LPP: variants seen among roughly 807,000 people sequenced by gnomAD.
LPP encodes LIM domain containing preferred translocation partner in lipoma, also known as lipoma-preferred partner.
In LPP, 38 loss-of-function variants were observed where a neutral mutation model predicts 60.4. The ratio of observed to expected loss-of-function variants is 0.63; its 90% CI spans 0.49 to 0.83. LPP has a LOEUF of 0.83. Ranked by LOEUF, LPP falls within the 40% of genes least tolerant of loss-of-function variation. The pLI is 0.00. For synonymous variants in LPP, 328 were observed against 290.8 expected (o/e 1.13, Z -1.30); for missense variants, 902 against 783.6 (o/e 1.15, Z -1.80).
intron 1 of LPP, among the ~76,000 whole-genome samples, chr3:188,206,291 A>T (rs927164427): frequency 2.0e-5 from 3 of 151,688 alleles, no homozygotes; most frequent in African/African-American, 4.8e-5. Context: ...TAGCTGCAGG[A>T]CCTTCAGGAT....
rs371527743 is a variant in LPP at position 188,175,498 on chromosome 3, G to A, written c.-190+21246G>A. On this transcript the variant is annotated intron_variant, in intron 1 of 11. Coordinates refer to ENST00000617246, the MANE Select transcript of LPP (RefSeq NM_001375462.1). Reference sequence around the variant, plus strand: ...TCAGGCACTATTTCAGCAGTAAACAGTCCATTTGTTGATAGTTAACACAGA... The same window carrying A: ...TCAGGCACTATTTCAGCAGTAAACAATCCATTTGTTGATAGTTAACACAGA... 5.9e-5 allele frequency among the ~76,000 whole-genome samples: 9 copies of A among 152,168 alleles called. No homozygotes were observed. The East Asian group carries it at 1.2e-3, about 20-fold the overall frequency.
chr3:188,862,731 A>AAAAG (rs1765532196), intron 9 of LPP, among the ~76,000 whole-genome samples: 1 of 133,228 alleles, frequency 7.5e-6, no homozygotes, highest in African/African-American at 2.9e-5. Context: ...AAATAAATAA[A>AAAAG]TAAATAAAAG....
At chr3:188,818,985 T>C (rs1204630204) in intron 9 of LPP, among the ~76,000 whole-genome samples, 1 of 151,700 alleles carries the variant, frequency 6.6e-6, no homozygotes, top group Non-Finnish European at 1.5e-5. Flanking sequence ...AATTGAATGA[T>C]TTGTTTACCT....
chr3:188,865,195 T>A (rs1766279722), intron 9 of LPP, among the ~76,000 whole-genome samples: 1 of 152,212 alleles, frequency 6.6e-6, no homozygotes, highest in Admixed American at 6.5e-5. Context: ...AGCATGGAAT[T>A]AAAGGGCAGG....
rs1277267909 is a variant in LPP, at chr3:188,217,697, G to A, written c.-189-7708G>A. On this transcript the variant is annotated intron_variant, in intron 1 of 11. Coordinates refer to ENST00000617246, the MANE Select transcript of LPP (RefSeq NM_001375462.1). The surrounding 1 kb of genome is among the most constrained non-coding windows in gnomAD (Gnocchi z 4.0). ...GAGAAATGCTGAGCTAAATGGGCAGGAATCTGGGATACTCAGAGGGAAATG... is the reference window on the plus strand; with the variant it reads ...GAGAAATGCTGAGCTAAATGGGCAGAAATCTGGGATACTCAGAGGGAAATG... Among the ~76,000 whole-genome samples, 1 of 152,114 alleles carries A rather than the reference G, an allele frequency of 6.6e-6. No individual in the cohort carries two copies. The highest frequency in any genetic ancestry group is 1.9e-4 in the East Asian group (1 of 5,190).
At chr3:188,258,914 G>C (rs1289985513) in intron 2 of LPP, among the ~76,000 whole-genome samples, 1 of 152,008 alleles carries the variant, frequency 6.6e-6, no homozygotes, top group Non-Finnish European at 1.5e-5. Context: ...GGTGTTACAG[G>C]GATGGACACA....
At chr3:188,492,758 TC>T (rs1375348914) in intron 5 of LPP, among the ~76,000 whole-genome samples, 1 of 152,172 alleles carries the variant, frequency 6.6e-6, no homozygotes, top group African/African-American at 2.4e-5. Flanking sequence ...TTAGATATTT[TC>T]AAATTTATTT....
intron 1 of LPP, among the ~76,000 whole-genome samples, chr3:188,192,001 G>A (rs11707006): frequency 0.13 from 20,237 of 152,076 alleles, 2,209 homozygotes; most frequent in East Asian, 0.54. Flanking sequence ...AAATTGGGAT[G>A]GTGTTAGGAC....
At chr3:188,231,094 G>A (rs965512308) in intron 2 of LPP, among the ~76,000 whole-genome samples, 1 of 152,212 alleles carries the variant, frequency 6.6e-6, no homozygotes, top group Non-Finnish European at 1.5e-5. Context: ...GAGTCCCTGA[G>A]AGGCAAATCA....
At chr3:188,407,788 G>GTTTTTTTTTTTTTT (rs869082030) in intron 4 of LPP, among the ~76,000 whole-genome samples, 9 of 107,596 alleles carry the variant, frequency 8.4e-5, no homozygotes, top group African/African-American at 2.8e-4. Context: ...TTGTTTGTTT[G>GTTTTTTTTTTTTTT]TTTTTTTTTT....
intron 1 of LPP, among the ~76,000 whole-genome samples, chr3:188,160,540 T>C (rs1204033976): frequency 1.3e-5 from 2 of 152,226 alleles, no homozygotes; most frequent in African/African-American, 4.8e-5. Flanking sequence ...TTTCTCTACC[T>C]GGAGTTTCCA....
rs79491943 is a variant in LPP, at chr3:188,242,535, A to G, written c.-67+17008A>G. Among the ~76,000 whole-genome samples, 642 of 152,278 alleles carry G rather than the reference A, an allele frequency of 4.2e-3. 10 individuals are homozygous for G. Among genetic ancestry groups the G allele is most frequent in the African/African-American group, 0.015 (606 of 41,548 alleles). ...TTCATCCATTCAACAAATACACACCAGGTACTGGAGATACAAAACTGTGAA... is the reference window on the plus strand; with the variant it reads ...TTCATCCATTCAACAAATACACACCGGGTACTGGAGATACAAAACTGTGAA... On this transcript the variant is annotated intron_variant, in intron 2 of 11. Transcript: ENST00000617246.
At chr3:188,592,563 T>TTTTTTTTTTTTTTTTTTTTTTTGGG in intron 6 of LPP, among the ~76,000 whole-genome samples, 1 of 77,226 alleles carries the variant, frequency 1.3e-5, no homozygotes, top group African/African-American at 4.7e-5. Context: ...TTTTGTTTTT[T>TTTTTTTTTTTTTTTTTTTTTTTGGG]AAATGGAGTC....
At chr3:188,232,824 A>T (rs1720562266) in intron 2 of LPP, among the ~76,000 whole-genome samples, 1 of 151,626 alleles carries the variant, frequency 6.6e-6, no homozygotes, top group Non-Finnish European at 1.5e-5. Flanking sequence ...AGTTTTTTTT[A>T]GCCTGTTTTC....
intron 5 of LPP, among the ~76,000 whole-genome samples, chr3:188,519,278 A>T (rs1818236698): frequency 6.6e-6 from 1 of 152,220 alleles, no homozygotes; most frequent in Non-Finnish European, 1.5e-5. Context: ...GATGCAGCAG[A>T]AGGGATGTGG....
intron 2 of LPP, among the ~76,000 whole-genome samples, chr3:188,304,825 A>T (rs181856261): frequency 9.0e-4 from 137 of 152,320 alleles, no homozygotes; most frequent in South Asian, 4.1e-4. Flanking sequence ...AAGCTTCCTT[A>T]AAAAAGTTGA....
intron 9 of LPP, among the ~76,000 whole-genome samples, chr3:188,796,120 A>G (rs1487144686): frequency 6.6e-6 from 1 of 152,240 alleles, no homozygotes; most frequent in Admixed American, 6.5e-5. Flanking sequence ...GTGTTTTAAA[A>G]GAAAGGAGTA....
At chr3:188,698,650 T>C (rs995170785) in intron 7 of LPP, among the ~76,000 whole-genome samples, 5 of 152,216 alleles carry the variant, frequency 3.3e-5, no homozygotes, top group Non-Finnish European at 5.9e-5. Context: ...CTTTTCTTAC[T>C]TCTTGCCTAC....
At chr3:188,375,332 G>T (rs1298915020) in intron 3 of LPP, among the ~76,000 whole-genome samples, 1 of 152,084 alleles carries the variant, frequency 6.6e-6, no homozygotes, top group African/African-American at 2.4e-5. Flanking sequence ...GAATCCATCT[G>T]GTCCTGAACT....
Sources: allele counts gnomAD v4.1 joint callset (sites outside exome capture counted in the v4.1 genomes callset), GRCh38; gene constraint gnomAD v4.1.1; non-coding constraint Gnocchi (gnomAD v3.1); transcripts MANE v1.5; gene names NCBI Gene and HGNC (gene_info 2026-07-23, HGNC 2026-07-21).